Variants in ANKRD42 observed in about 807,000 individuals in gnomAD.
The protein encoded by ANKRD42 is ankyrin repeat domain-containing protein 42.
ANKRD42 carries 43 observed loss-of-function variants against 51.5 expected under a neutral mutation model. The observed-to-expected ratio is 0.83, with a 90% CI of 0.65 to 1.08. ANKRD42 has a LOEUF of 1.08. Among genes scored for constraint, ANKRD42 ranks in the 50% least tolerant of loss-of-function variants. ANKRD42 has a pLI of 0.00. For synonymous variants in ANKRD42, 203 were observed against 213.0 expected (o/e 0.95, Z 0.41); for missense variants, 608 against 629.3 (o/e 0.97, Z 0.36).
Position 83,198,620 on chromosome 11 carries a change from C to T in ANKRD42, c.200C>T (p.Ala67Val), listed in dbSNP as rs765831741. ...CATAAGTTTACCCCTTTACATTGGG[C>T]AGCACATTCTGGAAGTTTGGAGGTA... ...VLHKFTPLHWAAHSGSLECLH... is the reference protein window; with the variant it reads ...VLHKFTPLHWVAHSGSLECLH... Residue 67 changes from alanine to valine, a missense_variant, in exon 2 of 11, where the codon GCA becomes GTA. Ala to Val is a moderately conservative substitution (Grantham distance 64). Transcript: ENST00000533342. 1 of 1,603,362 alleles carries T rather than the reference C, an allele frequency of 6.2e-7. No individual in the cohort carries two copies. The highest frequency in any genetic ancestry group is 1.7e-5 in the Admixed American group (1 of 58,720).
intron 9 of ANKRD42, among the ~76,000 whole-genome samples, chr11:83,244,050 C>G (rs61900283): frequency 0.26 from 37,510 of 143,984 alleles, 5,042 homozygotes; most frequent in Middle Eastern, 0.42. Flanking sequence ...GGCACGACCT[C>G]GGCTCACTGC....
chr11:83,209,488 G>C lies in ANKRD42; in HGVS notation c.331-812G>C, dbSNP rs1029314513. 9.5e-6 allele frequency: 12 copies of C among 1,258,910 alleles called. No homozygotes were observed. In the African/African-American group the frequency reaches 1.6e-4, roughly 17 times the overall value. The allele number at this position is 1,258,910 out of a possible 1,614,324, so 78.0% of individuals were successfully genotyped here. On this transcript the variant is annotated intron_variant, in intron 3 of 10. Coordinates refer to ENST00000533342, the MANE Select transcript of ANKRD42 (RefSeq NM_001300975.2). ...TCGTGCTGCCCAAGGACATAGCCAA[G>C]CTGGTCCGTAAAACCCATTTGATGT...
downstream of ANKRD42, chr11:83,260,240 T>C (rs764794321): frequency 2.0e-5 from 3 of 152,214 alleles, no homozygotes; most frequent in Non-Finnish European, 2.9e-5. Context: ...CTCCTTAAGA[T>C]TGTCAATTCA....
In ANKRD42 at chr11:83,254,442, T is replaced by TC. The variant is rs1565200790; in HGVS notation, c.1465-1403_1465-1402insC. On this transcript the variant is annotated intron_variant, in intron 11 of 11. Coordinates refer to the ANKRD42 transcript ENST00000260047. ...GTTTTTCTTTTTTCTTTTCTTTTTT[T>TC]TTTTTTTGAGACAGGGTCTTGCTCT... 1.1e-4 allele frequency among the ~76,000 whole-genome samples: 17 copies of TC among 149,574 alleles called. 1 individual carries two copies. Among genetic ancestry groups the TC allele is most frequent in the African/African-American group, 4.0e-4 (16 of 40,474 alleles).
Position 83,212,291 on chromosome 11 carries a change from A to G in ANKRD42, c.586+861A>G, listed in dbSNP as rs989391497. 2.0e-5 allele frequency among the ~76,000 whole-genome samples: 3 copies of G among 152,222 alleles called. No homozygotes were observed. In the South Asian group the frequency reaches 6.2e-4, roughly 32 times the overall value. Reference sequence around the variant, plus strand: ...GAGATGGAGTTTCACCATGTTGGCTAGGCTGGTCTCGAACTCCTGGCCTAA... The same window carrying G: ...GAGATGGAGTTTCACCATGTTGGCTGGGCTGGTCTCGAACTCCTGGCCTAA... On this transcript the variant is annotated intron_variant, in intron 5 of 10. Transcript: ENST00000533342.
chr11:83,225,969 G>T (rs1434122043), intron 6 of ANKRD42, among the ~76,000 whole-genome samples: 2 of 151,982 alleles, frequency 1.3e-5, no homozygotes, highest in Non-Finnish European at 2.9e-5. Flanking sequence ...TTCCCAGGCT[G>T]GTCTCAAACT....
Position 83,248,111 on chromosome 11 carries a change from T to C in ANKRD42, c.1491T>C (p.Phe497=). Residue 497 remains phenylalanine (F), a synonymous_variant, in exon 11 of 11, where the codon TTT becomes TTC. Coordinates refer to ENST00000533342, the MANE Select transcript of ANKRD42 (RefSeq NM_001300975.2). ...TGGTTGGTGTCCTTTTTAATACATT[T>C]ATTTTTCTCAAGAAGTATATACAAG... ...VAMVGVLFNT[F]IFLKKYIQEW... 9.0e-6 allele frequency: 14 copies of C among 1,550,276 alleles called. No homozygotes were observed. The highest frequency in any genetic ancestry group is 1.2e-5 in the Non-Finnish European group (14 of 1,148,082).
chr11:83,206,266 T>G, intron 3 of ANKRD42, 101 bp downstream of exon 3: 1 of 989,224 alleles, frequency 1.0e-6, no homozygotes, highest in South Asian at 1.7e-5. Context: ...TTTAGTTTTA[T>G]GTTCTAAACA....
intron 5 of ANKRD42, among the ~76,000 whole-genome samples, chr11:83,223,131 T>C (rs1362269179): frequency 4.6e-5 from 7 of 152,094 alleles, no homozygotes; most frequent in Admixed American, 6.6e-5. Context: ...ACACCTGTAA[T>C]CCCAGCTACT....
intron 5 of ANKRD42, among the ~76,000 whole-genome samples, chr11:83,218,723 C>G (rs1286566785): frequency 6.6e-6 from 1 of 151,940 alleles, no homozygotes; most frequent in Non-Finnish European, 1.5e-5. Context: ...GAAGGAGAGT[C>G]AGTGGGGGAG....
intron 5 of ANKRD42, chr11:83,213,244 C>A: frequency 6.3e-7 from 1 of 1,598,678 alleles, no homozygotes; most frequent in South Asian, 1.1e-5. Flanking sequence ...TCCTGGTCCA[C>A]AACATCAAGG....
rs11403803 is a variant in ANKRD42 at position 83,228,231 on chromosome 11, C to CTTTTTTTT, written c.913+390_913+397dup. Among the ~76,000 whole-genome samples the CTTTTTTTT allele has an allele frequency of 3.7e-4, 22 of 59,020 alleles. 6 individuals carry two copies. Among genetic ancestry groups the CTTTTTTTT allele is most frequent in the Admixed American group, 4.7e-4 (2 of 4,282 alleles). 38.7% of individuals were successfully genotyped at this position (59,020 alleles called of 152,430 possible). ...AAATAGAAATCATCCCTCTCTCTCT[C>CTTTTTTTT]TTTTTTTTTTTTTTTTTTTTTTTTT... On this transcript the variant is annotated intron_variant, in intron 7 of 10. Transcript: ENST00000533342.
chr11:83,212,562 G>A, intron 5 of ANKRD42: 1 of 1,072,452 alleles, frequency 9.3e-7, no homozygotes, highest in Non-Finnish European at 1.4e-6. Flanking sequence ...GAGTGAAAAT[G>A]ATACTTAAAT....
intron 1 of ANKRD42, among the ~76,000 whole-genome samples, chr11:83,195,830 ACTCT>A (rs1183472287): frequency 2.2e-3 from 303 of 138,480 alleles, no homozygotes; most frequent in East Asian, 0.018. Context: ...TGATCTACCT[ACTCT>A]CTCTCTCTCT....
intron 5 of ANKRD42, among the ~76,000 whole-genome samples, chr11:83,219,151 C>T (rs902462194): frequency 3.9e-5 from 6 of 152,148 alleles, no homozygotes; most frequent in African/African-American, 7.2e-5. Flanking sequence ...GACTCGTCTT[C>T]CCTAAAGGCA....
At position 83,248,591 on chromosome 11, in the gene ANKRD42, T is replaced by A; in HGVS notation, c.*387T>A. 1 of 988,534 alleles carries A rather than the reference T, an allele frequency of 1.0e-6. No homozygotes were observed. Among genetic ancestry groups the A allele is most frequent in the Non-Finnish European group, 1.2e-6 (1 of 832,114 alleles). The allele number at this position is 988,534 out of a possible 1,614,324, so 61.2% of individuals were successfully genotyped here. ...AAGTTTCTTCATCAATCATCATGGA[T>A]GAATTAATTCTGTTTGAGGCTTGTG... On this transcript the variant is annotated 3_prime_UTR_variant, in exon 11 of 11. Transcript: ENST00000533342.
chr11:83,227,867 A>G lies in ANKRD42; in HGVS notation c.908A>G (p.His303Arg), dbSNP rs1192077998. 7.5e-6 allele frequency: 12 copies of G among 1,602,558 alleles called. No homozygotes were observed. The highest frequency in any genetic ancestry group is 1.8e-5 in the Admixed American group (1 of 56,670). ...ERADNGSTPM[H>R]KAAGQGHIEC... is the part of the protein sequence containing the mutation. Reference sequence around the variant, plus strand: ...GCTGATAATGGATCAACTCCTATGCATAAAGGTGAGTTATGATTCCTCCTT... The same window carrying G: ...GCTGATAATGGATCAACTCCTATGCGTAAAGGTGAGTTATGATTCCTCCTT... Residue 303 changes from histidine to arginine, a missense_variant, in exon 7 of 11, where the codon CAT becomes CGT. By Grantham distance (29) the His-to-Arg change is conservative. Coordinates refer to ENST00000533342, the MANE Select transcript of ANKRD42 (RefSeq NM_001300975.2).
chr11:83,250,888 G>C (rs1330673023), downstream of ANKRD42, among the ~76,000 whole-genome samples: 2 of 152,020 alleles, frequency 1.3e-5, no homozygotes, highest in Non-Finnish European at 2.9e-5. Flanking sequence ...CCTAGTTTAG[G>C]TTTCTATATC....
At chr11:83,203,394 CTTT>C (rs1246391612) in intron 2 of ANKRD42, among the ~76,000 whole-genome samples, 7 of 129,682 alleles carry the variant, frequency 5.4e-5, no homozygotes, top group African/African-American at 2.8e-5. Flanking sequence ...TTTTTTCTTT[CTTT>C]TTTTTTTTTT....
Sources: allele counts gnomAD v4.1 joint callset (sites outside exome capture counted in the v4.1 genomes callset), GRCh38; gene constraint gnomAD v4.1.1; transcripts MANE v1.5; gene names NCBI Gene and HGNC (gene_info 2026-07-23, HGNC 2026-07-21).